ENAH: variants seen among roughly 807,000 people sequenced by gnomAD.
ENAH encodes the protein ENAH actin regulator, also known as protein enabled homolog.
Under a neutral mutation model 78.7 loss-of-function variants are expected in ENAH, and 23 were observed. That is an observed-to-expected ratio of 0.29 (90% CI 0.21 to 0.41). The LOEUF (loss-of-function observed/expected upper bound fraction) is 0.41. Ranked by LOEUF, ENAH falls within the 10% of genes least tolerant of loss-of-function variation. The probability of loss-of-function intolerance (pLI) is 1.00; values close to 1 mark genes in which losing one functional copy is unlikely to be tolerated. For missense variants in ENAH, 544 were observed against 691.0 expected, an observed-to-expected ratio of 0.79 and a Z score of 2.39; for synonymous variants, 226 against 241.0, an observed-to-expected ratio of 0.94 and a Z score of 0.58.
intron 1 of ENAH, among the ~76,000 whole-genome samples, chr1:225,600,999 AAATT>A (rs1487741397): frequency 6.6e-6 from 1 of 152,212 alleles, no homozygotes; most frequent in African/African-American, 2.4e-5. Context: ...CAAAAAAAGC[AAATT>A]AAAAGGGATT....
At chr1:225,617,652 G>A (rs1195353208) in intron 1 of ENAH, among the ~76,000 whole-genome samples, 1 of 152,152 alleles carries the variant, frequency 6.6e-6, no homozygotes, top group Non-Finnish European at 1.5e-5. Flanking sequence ...CATCACAACT[G>A]GTCAGAGGTA....
intron 1 of ENAH, among the ~76,000 whole-genome samples, chr1:225,572,503 T>C (rs2096768249): frequency 6.6e-6 from 1 of 152,230 alleles, no homozygotes; most frequent in Non-Finnish European, 1.5e-5. Flanking sequence ...CAATTCCCTC[T>C]ATTATCTGCA....
chr1:225,638,835 G>C (rs1660519368), intron 1 of ENAH, among the ~76,000 whole-genome samples: 1 of 152,162 alleles, frequency 6.6e-6, no homozygotes, highest in Non-Finnish European at 1.5e-5. Context: ...ATGTAATACA[G>C]AACAAAATAG....
chr1:225,534,124 G>A (rs2096550517), intron 3 of ENAH, among the ~76,000 whole-genome samples: 1 of 152,080 alleles, frequency 6.6e-6, no homozygotes, highest in African/African-American at 2.4e-5. Flanking sequence ...CATTGGATGG[G>A]TTTTCAAAAT....
At chr1:225,648,229 A>C (rs921202925) in intron 1 of ENAH, among the ~76,000 whole-genome samples, 1 of 152,236 alleles carries the variant, frequency 6.6e-6, no homozygotes, top group Non-Finnish European at 1.5e-5. Flanking sequence ...AGACAACTTT[A>C]AGTTGGCACA....
chr1:225,598,392 AG>A (rs1236374110), intron 1 of ENAH, among the ~76,000 whole-genome samples: 3 of 152,114 alleles, frequency 2.0e-5, no homozygotes, highest in Non-Finnish European at 4.4e-5. Context: ...TGAAAAAAAA[AG>A]GAAAAGACAG....
chr1:225,557,164 G>T (rs552009500), intron 2 of ENAH, among the ~76,000 whole-genome samples: 1 of 152,150 alleles, frequency 6.6e-6, no homozygotes, highest in African/African-American at 2.4e-5. Context: ...TTCTACCAAA[G>T]AAATTTTGGG....
Position 225,648,667 on chromosome 1 carries a change from C to T in ENAH, c.5+4019G>A, listed in dbSNP as rs996248709. 2.6e-5 allele frequency among the ~76,000 whole-genome samples: 4 copies of T among 151,974 alleles called. No individual in the cohort carries two copies. In the East Asian group the frequency reaches 7.7e-4, roughly 29 times the overall value. On this transcript the variant is annotated intron_variant, in intron 1 of 13. Coordinates refer to ENST00000366843, the MANE Select transcript of ENAH (RefSeq NM_018212.6). ...ACAGCTACGAGTATAAATGAAGACC[C>T]ATGGGAACAAAGAGACTACTATTTG...
chr1:225,519,140 C>T, intron 5 of ENAH, 58 bp downstream of exon 5: 2 of 1,582,954 alleles, frequency 1.3e-6, no homozygotes, highest in Non-Finnish European at 1.7e-6. Context: ...CATGACTGCA[C>T]AAGAGACATC....
intron 3 of ENAH, among the ~76,000 whole-genome samples, chr1:225,551,147 AT>A (rs2096638970): frequency 6.6e-6 from 1 of 152,230 alleles, no homozygotes; most frequent in South Asian, 2.1e-4. Context: ...AGCATTTGGT[AT>A]AAAAGGAAGA....
intron 1 of ENAH, among the ~76,000 whole-genome samples, chr1:225,622,319 T>C (rs1047041470): frequency 3.3e-5 from 5 of 152,156 alleles, no homozygotes; most frequent in Admixed American, 6.6e-5. Flanking sequence ...CCAGGCACTG[T>C]GACTCAAGCT....
rs1362017474 is a variant in ENAH at position 225,652,953 on chromosome 1, G to T, written c.-263C>A. On this transcript the variant is annotated 5_prime_UTR_variant, in exon 1 of 14. Coordinates refer to ENST00000366843, the MANE Select transcript of ENAH (RefSeq NM_018212.6). ...CGGAGCTGGTCCCCAGGCGGCCGCC[G>T]CCTCCCACCTCCTCGTGGTCCTGCT... The T allele has an allele frequency of 1.1e-5, 4 of 371,226 alleles. No individual in the cohort carries two copies. Among genetic ancestry groups the T allele is most frequent in the Non-Finnish European group, 1.9e-5 (4 of 209,092 alleles). The allele number at this position is 371,226 out of a possible 1,614,324, so 23.0% of individuals were successfully genotyped here. A position where few individuals can be genotyped will look rare whatever the true frequency, so the allele number is the denominator to read the frequency against.
chr1:225,557,046 C>A (rs78087354), intron 2 of ENAH, among the ~76,000 whole-genome samples: 1 of 152,156 alleles, frequency 6.6e-6, no homozygotes, highest in Non-Finnish European at 1.5e-5. Context: ...TAGCTTTATA[C>A]GAAATCTAGA....
intron 1 of ENAH, among the ~76,000 whole-genome samples, chr1:225,583,315 A>C (rs1434033089): frequency 6.6e-6 from 1 of 151,860 alleles, no homozygotes; most frequent in Non-Finnish European, 1.5e-5. Flanking sequence ...GGGTGCCTGT[A>C]ATCCCAGCTA....
intron 1 of ENAH, among the ~76,000 whole-genome samples, chr1:225,649,528 AC>A (rs1304149164): frequency 6.6e-6 from 1 of 152,210 alleles, no homozygotes; most frequent in Admixed American, 6.5e-5. Context: ...AAAGCATCTT[AC>A]ACTTTTGAAA....
At chr1:225,604,746 T>C (rs879470035) in intron 1 of ENAH, among the ~76,000 whole-genome samples, 9 of 151,856 alleles carry the variant, frequency 5.9e-5, no homozygotes, top group Non-Finnish European at 8.8e-5. Flanking sequence ...TAAGCCGAGA[T>C]TGCGCCATTG....
intron 6 of ENAH, chr1:225,515,188 CA>C: frequency 2.8e-6 from 1 of 353,904 alleles, no homozygotes; most frequent in Admixed American, 4.9e-5. Context: ...GGTAAATAAG[CA>C]AAATAAATAC....
chr1:225,582,992 A>C (rs2096826813), intron 1 of ENAH, among the ~76,000 whole-genome samples: 1 of 152,230 alleles, frequency 6.6e-6, no homozygotes, highest in Non-Finnish European at 1.5e-5. Flanking sequence ...AAATTGGATG[A>C]CCACAGACAT....
chr1:225,599,666 G>A (rs1229133924), intron 1 of ENAH, among the ~76,000 whole-genome samples: 1 of 151,844 alleles, frequency 6.6e-6, no homozygotes, highest in Non-Finnish European at 1.5e-5. Context: ...AAATTAGCCA[G>A]GCGCCTGTAA....
Sources: gnomAD v4.1 joint callset for allele counts (sites outside exome capture counted in the v4.1 genomes callset) on GRCh38, gnomAD v4.1.1 for gene constraint, MANE v1.5 for transcripts, NCBI Gene and HGNC (gene_info 2026-07-23, HGNC 2026-07-21) for gene names.